Variants in MACROD2 observed in about 807,000 individuals in gnomAD.
MACROD2 encodes the protein mono-ADP ribosylhydrolase 2.
A neutral mutation model predicts 70.4 loss-of-function variants in MACROD2; 36 were observed. The ratio of observed to expected loss-of-function variants is 0.51; its 90% CI spans 0.39 to 0.68. The LOEUF (loss-of-function observed/expected upper bound fraction) is 0.68. Ranked by LOEUF, MACROD2 falls within the 30% of genes least tolerant of loss-of-function variation. The pLI is 0.00. For missense variants in MACROD2, 496 were observed against 538.4 expected (o/e 0.92, Z 0.78); for synonymous variants, 172 against 178.8 (o/e 0.96, Z 0.30).
chr20:14,182,832 A>G (rs2081315475), intron 3 of MACROD2, among the ~76,000 whole-genome samples: 1 of 151,754 alleles, frequency 6.6e-6, no homozygotes, highest in Non-Finnish European at 1.5e-5. Context: ...TTTTGCCTGG[A>G]CTGCTCTTTT....
chr20:14,020,491 A>G (rs926397698), intron 2 of MACROD2, among the ~76,000 whole-genome samples: 2 of 152,124 alleles, frequency 1.3e-5, no homozygotes, highest in African/African-American at 4.8e-5. Flanking sequence ...ATAAAATTAA[A>G]TTTAAAAAGT....
rs2050918633 is a variant in MACROD2 at position 15,729,831 on chromosome 20, C to CTTGTTTTTTTTTTTTTTT, written c.646-132912_646-132911insGTTTTTTTTTTTTTTTTT. 6.2e-5 allele frequency among the ~76,000 whole-genome samples: 4 copies of CTTGTTTTTTTTTTTTTTT among 64,772 alleles called. 1 individual carries two copies. Among genetic ancestry groups the CTTGTTTTTTTTTTTTTTT allele is most frequent in the African/African-American group, 1.9e-4 (3 of 16,000 alleles). 42.5% of individuals were successfully genotyped at this position (64,772 alleles called of 152,430 possible). ...GAACACAGCATGCAGTTGGGTCATG[C>CTTGTTTTTTTTTTTTTTT]TTTTTTTTTTTTTTTGGATGGAGTT... is the stretch of plus-strand genomic sequence containing the variant. On this transcript the variant is annotated intron_variant, in intron 8 of 17. Transcript: ENST00000684519.
At chr20:15,653,658 T>G (rs1277287473) in intron 8 of MACROD2, among the ~76,000 whole-genome samples, 2 of 152,184 alleles carry the variant, frequency 1.3e-5, no homozygotes, top group African/African-American at 4.8e-5. Flanking sequence ...CTATGACTGC[T>G]GTTGGTCAGG....
intron 8 of MACROD2, among the ~76,000 whole-genome samples, chr20:15,615,910 A>G (rs1231761404): frequency 2.6e-5 from 4 of 152,216 alleles, no homozygotes; most frequent in Admixed American, 6.5e-5. Flanking sequence ...CCCAAGAGAG[A>G]CTGTATTAAA....
intron 8 of MACROD2, among the ~76,000 whole-genome samples, chr20:15,855,949 C>G (rs1362506166): frequency 6.6e-6 from 1 of 152,040 alleles, no homozygotes; most frequent in East Asian, 1.9e-4. Context: ...TAAGTAGCTT[C>G]CAATTTGGAG....
At chr20:15,181,552 G>T (rs565688007) in intron 5 of MACROD2, among the ~76,000 whole-genome samples, 133 of 152,282 alleles carry the variant, frequency 8.7e-4, no homozygotes, top group African/African-American at 3.1e-3. Context: ...GAAAGTGTGT[G>T]TGTGTTTTCC....
Position 14,844,496 on chromosome 20 carries a change from G to A in MACROD2, c.418+159537G>A, listed in dbSNP as rs774013690. Among the ~76,000 whole-genome samples, 115 of 152,008 alleles carry A rather than the reference G, an allele frequency of 7.6e-4. 1 individual carries two copies. The highest frequency in any genetic ancestry group is 1.1e-3 in the Non-Finnish European group (72 of 67,934). ...GGCGCCACTGCACTCCAGCCTTGGTGACAGAGCAAGACTCCATCTCAAAAA... is the reference window on the plus strand; with the variant it reads ...GGCGCCACTGCACTCCAGCCTTGGTAACAGAGCAAGACTCCATCTCAAAAA... On this transcript the variant is annotated intron_variant, in intron 5 of 17. Coordinates refer to ENST00000684519, the MANE Select transcript of MACROD2 (RefSeq NM_001351661.2).
intron 3 of MACROD2, among the ~76,000 whole-genome samples, chr20:14,114,715 T>G (rs1288038730): frequency 6.6e-6 from 1 of 152,162 alleles, no homozygotes; most frequent in Non-Finnish European, 1.5e-5. Flanking sequence ...ACGACGGAAT[T>G]TCTTATAATT....
chr20:15,127,900 C>A (rs1360688786), intron 5 of MACROD2, among the ~76,000 whole-genome samples: 5 of 152,090 alleles, frequency 3.3e-5, no homozygotes, highest in African/African-American at 1.2e-4. Flanking sequence ...AACCCACCAA[C>A]CTCCCTCTAC....
intron 6 of MACROD2, among the ~76,000 whole-genome samples, chr20:15,319,729 T>C (rs549457079): frequency 1.3e-5 from 2 of 152,218 alleles, no homozygotes; most frequent in South Asian, 4.1e-4. Flanking sequence ...TGGAAATGCA[T>C]GAATGGAGAA....
At chr20:15,336,097 C>G (rs1050344165) in intron 6 of MACROD2, among the ~76,000 whole-genome samples, 1 of 151,552 alleles carries the variant, frequency 6.6e-6, no homozygotes, top group Non-Finnish European at 1.5e-5. Flanking sequence ...GACAAAACCC[C>G]AAGGGCCAGT....
chr20:14,757,573 C>T, intron 5 of MACROD2: 1 of 1,050,874 alleles, frequency 9.5e-7, no homozygotes, highest in Non-Finnish European at 1.4e-6. Flanking sequence ...ATGTTGATGC[C>T]TAAGAAGAAC....
At chr20:15,703,822 A>G (rs1313284670) in intron 8 of MACROD2, among the ~76,000 whole-genome samples, 1 of 152,232 alleles carries the variant, frequency 6.6e-6, no homozygotes, top group Non-Finnish European at 1.5e-5. Flanking sequence ...ACCTCACCTC[A>G]TGCCACGGAG....
chr20:14,527,076 G>A (rs2085242407), intron 4 of MACROD2, among the ~76,000 whole-genome samples: 3 of 152,164 alleles, frequency 2.0e-5, no homozygotes, highest in Admixed American at 1.3e-4. Context: ...CCTAGAGTTG[G>A]GCCTCCGCTT....
intron 6 of MACROD2, among the ~76,000 whole-genome samples, chr20:15,361,279 T>A (rs2078348674): frequency 6.6e-6 from 1 of 152,230 alleles, no homozygotes; most frequent in Non-Finnish European, 1.5e-5. Context: ...ATTTACTTTA[T>A]CTATGGATAG....
intron 3 of MACROD2, among the ~76,000 whole-genome samples, chr20:14,465,873 C>G (rs946210091): frequency 1.1e-4 from 17 of 152,236 alleles, no homozygotes; most frequent in African/African-American, 3.9e-4. Flanking sequence ...CCACTCTGTT[C>G]TGACTTGTAG....
At chr20:15,214,714 A>G (rs2076793670) in intron 5 of MACROD2, among the ~76,000 whole-genome samples, 1 of 152,230 alleles carries the variant, frequency 6.6e-6, no homozygotes, top group South Asian at 2.1e-4. Context: ...AGTGTCAAAC[A>G]CATTCTTGCC....
chr20:14,971,838 A>C (rs2074694459), intron 5 of MACROD2, among the ~76,000 whole-genome samples: 1 of 152,078 alleles, frequency 6.6e-6, no homozygotes, highest in African/African-American at 2.4e-5. Context: ...TTCTTACTAC[A>C]CAAGTTGATG....
chr20:15,971,493 A>G (rs1460445932), intron 13 of MACROD2, among the ~76,000 whole-genome samples: 1 of 152,146 alleles, frequency 6.6e-6, no homozygotes, highest in African/African-American at 2.4e-5. Flanking sequence ...TGCTGTGATT[A>G]TGAGGCCTCC....
Sources: gnomAD v4.1 joint callset for allele counts (sites outside exome capture counted in the v4.1 genomes callset) on GRCh38, gnomAD v4.1.1 for gene constraint, MANE v1.5 for transcripts, NCBI Gene and HGNC (gene_info 2026-07-23, HGNC 2026-07-21) for gene names.